CADM3: variants seen among roughly 807,000 people sequenced by gnomAD.
The protein encoded by CADM3 is TSLC1-like 1.
CADM3 carries 11 observed loss-of-function variants against 44.9 expected under a neutral mutation model. The observed-to-expected ratio is 0.25, with a 90% CI of 0.15 to 0.41. The LOEUF is 0.41. CADM3 is among the 10% of genes least tolerant of loss of function. CADM3 has a pLI of 1.00. For synonymous variants in CADM3, 207 were observed against 205.2 expected (o/e 1.01, Z -0.08); for missense variants, 426 against 512.0 (o/e 0.83, Z 1.62).
chr1:159,199,648 A>C, intron 7 of CADM3, 103 bp from the exon 8 acceptor site: 2 of 1,467,342 alleles, frequency 1.4e-6, no homozygotes, highest in Non-Finnish European at 9.5e-7. Context: ...TCCTGATGTT[A>C]GTACCTGTTC....
intron 1 of CADM3, among the ~76,000 whole-genome samples, chr1:159,179,725 A>G (rs2852714): frequency 0.27 from 41,706 of 152,128 alleles, 5,998 homozygotes; most frequent in African/African-American, 0.35. Flanking sequence ...TTAGCATAGC[A>G]GTCAGTCAGT....
intron 1 of CADM3, chr1:159,189,851 C>T: frequency 6.2e-7 from 1 of 1,603,480 alleles, no homozygotes; most frequent in Non-Finnish European, 8.5e-7. Flanking sequence ...CTGGAGCAGC[C>T]CTGACATGCT....
intron 3 of CADM3, 88 bp downstream of exon 3, chr1:159,192,818 G>A: frequency 7.3e-7 from 1 of 1,373,666 alleles, no homozygotes; most frequent in Non-Finnish European, 1.0e-6. Flanking sequence ...CTGGGAGCCA[G>A]GCAAGTCTCC....
Position 159,171,737 on chromosome 1 carries a change from C to T in CADM3, c.-29C>T. 8.1e-7 allele frequency: 1 copy of T among 1,229,746 alleles called. No individual in the cohort carries two copies. The highest frequency in any genetic ancestry group is 1.0e-6 in the Non-Finnish European group (1 of 985,568). 76.2% of individuals were successfully genotyped at this position (1,229,746 alleles called of 1,614,324 possible). A position where few individuals can be genotyped will look rare whatever the true frequency, so the allele number is the denominator to read the frequency against. ...CCCCGGGGATTCAGGCTCGCCAGCG[C>T]CCAGCCAGGGAGCCGGCCGGGAAGC... On this transcript the variant is annotated 5_prime_UTR_variant, in exon 1 of 9. Transcript: ENST00000368125.
In CADM3 at chr1:159,200,898, C is replaced by T. The variant is rs569300786; in HGVS notation, c.1173C>T (p.Asp391=). ...INAEGGQSGG[D]DKKEYFI ...CAGAAGGCGGGCAGTCAGGAGGGGA[C>T]GACAAGAAGGAATATTTCATCTAGA... is the stretch of plus-strand genomic sequence containing the variant. Residue 391 remains aspartate (D), a synonymous_variant, in exon 9 of 9, where the codon GAC becomes GAT. Coordinates refer to ENST00000368125, the MANE Select transcript of CADM3 (RefSeq NM_001127173.3). 1.0e-5 allele frequency: 16 copies of T among 1,605,940 alleles called. No homozygotes were observed. The highest frequency in any genetic ancestry group is 5.4e-5 in the African/African-American group (4 of 74,488).
chr1:159,202,087 ATGTG>A lies in CADM3; in HGVS notation c.*1180_*1183del, dbSNP rs5778112. The A allele has an allele frequency of 9.9e-5, 15 of 151,308 alleles. No homozygotes were observed. Among genetic ancestry groups the A allele is most frequent in the East Asian group, 9.9e-4 (5 of 5,076 alleles). 9.4% of individuals were successfully genotyped at this position (151,308 alleles called of 1,614,324 possible). ...GTGTGTGGTGTGTATGCATGTGTGC[ATGTG>A]TGTGTGTGTGTGTGCATGTGTGTGA... On this transcript the variant is annotated 3_prime_UTR_variant, in exon 9 of 9. Transcript: ENST00000368125.
At chr1:159,175,309 T>A (rs1648976525) in intron 1 of CADM3, among the ~76,000 whole-genome samples, 1 of 152,248 alleles carries the variant, frequency 6.6e-6, no homozygotes, top group Non-Finnish European at 1.5e-5. Flanking sequence ...GACACTTGCA[T>A]AGCAGAGTTT....
At position 159,193,523 on chromosome 1, in the gene CADM3, C is replaced by T. The variant is rs1220363293; in HGVS notation, c.483C>T (p.Ala161=). 6.2e-7 allele frequency: 1 copy of T among 1,614,036 alleles called. No individual in the cohort carries two copies. The highest frequency in any genetic ancestry group is 1.3e-5 in the African/African-American group (1 of 74,910). The change falls in exon 4 of 9, where the codon GCC becomes GCT. Residue 161 remains alanine (A), a synonymous_variant. Coordinates refer to ENST00000368125, the MANE Select transcript of CADM3 (RefSeq NM_001127173.3). ...NCQSSGSKPA[A]RLTWRKGDQE... ...AGTCTTCTGGGAGCAAGCCTGCAGC[C>T]CGGCTCACCTGGAGAAAGGGTGACC... is the stretch of plus-strand genomic sequence containing the variant.
At chr1:159,172,372 C>G (rs895679058) in intron 1 of CADM3, among the ~76,000 whole-genome samples, 4 of 152,140 alleles carry the variant, frequency 2.6e-5, no homozygotes, top group Admixed American at 2.0e-4. Context: ...CCGCCCGTCC[C>G]CCACCACCCG....
At chr1:159,186,617 C>T (rs1041279839) in intron 1 of CADM3, among the ~76,000 whole-genome samples, 1 of 152,234 alleles carries the variant, frequency 6.6e-6, no homozygotes, top group Non-Finnish European at 1.5e-5. Context: ...ATTTCTGCTA[C>T]TTATCCATGT....
intron 1 of CADM3, among the ~76,000 whole-genome samples, chr1:159,172,576 G>C (rs930502649): frequency 6.6e-6 from 1 of 152,098 alleles, no homozygotes; most frequent in African/African-American, 2.4e-5. Flanking sequence ...GTGGGGGTAG[G>C]GGGGAGCGCA....
At position 159,196,992 on chromosome 1, in the gene CADM3, G is replaced by T. The variant is rs761969243; in HGVS notation, c.884G>T (p.Gly295Val). The T allele has an allele frequency of 6.2e-7, 1 of 1,614,062 alleles. No individual in the cohort carries two copies. The highest frequency in any genetic ancestry group is 1.1e-5 in the South Asian group (1 of 91,076). ...CCTTTCCTCAACAAGAGTGACAGTG[G>T]CACCTACGGCTGCACAGCCACCAGC... ...IFPFLNKSDS[G>V]TYGCTATSNM... The change falls in exon 7 of 9, where the codon GGC (glycine) becomes GTC (valine). Residue 295 changes from glycine (G) to valine (V), a missense_variant. Physicochemically the swap from Gly to Val is moderately radical, Grantham distance 109. Transcript: ENST00000368125.
At chr1:159,187,667 G>A (rs532602155) in intron 1 of CADM3, among the ~76,000 whole-genome samples, 13 of 152,306 alleles carry the variant, frequency 8.5e-5, no homozygotes, top group African/African-American at 3.1e-4. Flanking sequence ...AATACCGAGG[G>A]ACTGAGTGTG....
At chr1:159,200,519 C>T (rs1650127521) in intron 8 of CADM3, among the ~76,000 whole-genome samples, 1 of 960 alleles carries the variant, frequency 1.0e-3, no homozygotes, top group African/African-American at 4.2e-3. Context: ...TGCGTGCAAG[C>T]ACACACACAC....
chr1:159,174,993 A>G (rs1275227025), intron 1 of CADM3, among the ~76,000 whole-genome samples: 3 of 152,220 alleles, frequency 2.0e-5, no homozygotes, highest in Non-Finnish European at 2.9e-5. Context: ...TGCCCCACAC[A>G]TGAACATCTA....
intron 1 of CADM3, 72 bp from the exon 2 acceptor site, chr1:159,191,864 G>A (rs186780538): frequency 3.2e-5 from 51 of 1,578,640 alleles, no homozygotes; most frequent in Non-Finnish European, 4.3e-5. Context: ...ACTAGATGAG[G>A]TGTACTTTGG....
In CADM3 at chr1:159,173,862, T is replaced by A. The variant is rs561302888; in HGVS notation, c.88+2009T>A. Among the ~76,000 whole-genome samples the A allele has an allele frequency of 9.2e-5, 14 of 152,312 alleles. No homozygotes were observed. The South Asian group carries it at 2.3e-3, about 25-fold the overall frequency. ...AAAAAAAACTATAGACTAGAGTAAA[T>A]CAGTATACTAGCCAAGTCTTTCTTC... is the stretch of plus-strand genomic sequence containing the variant. On this transcript the variant is annotated intron_variant, in intron 1 of 8. Transcript: ENST00000368125.
At chr1:159,189,296 T>C (rs1357098925) in intron 1 of CADM3, among the ~76,000 whole-genome samples, 3 of 152,238 alleles carry the variant, frequency 2.0e-5, no homozygotes, top group African/African-American at 4.8e-5. Flanking sequence ...ATTAAGAGGG[T>C]TACATGTGAA....
chr1:159,189,716 C>A, intron 1 of CADM3: 2 of 1,318,472 alleles, frequency 1.5e-6, no homozygotes, highest in Non-Finnish European at 2.1e-6. Context: ...AGTAGAGCCC[C>A]ACACTGTAGC....
Sources: allele counts gnomAD v4.1 joint callset (sites outside exome capture counted in the v4.1 genomes callset), GRCh38; gene constraint gnomAD v4.1.1; transcripts MANE v1.5; gene names NCBI Gene and HGNC (gene_info 2026-07-23, HGNC 2026-07-21).